Variants in NCAPH observed in about 807,000 individuals in gnomAD.
The protein encoded by NCAPH is non-SMC condensin I complex subunit H.
In NCAPH, 38 loss-of-function variants were observed where a neutral mutation model predicts 85.5. The observed-to-expected ratio is 0.44, with a 90% CI of 0.34 to 0.58. The LOEUF is 0.58. Among genes scored for constraint, NCAPH ranks in the 20% least tolerant of loss-of-function variants. The probability of loss-of-function intolerance (pLI) is 0.01; values close to 1 mark genes in which losing one functional copy is unlikely to be tolerated. For missense variants in NCAPH, 789 were observed against 916.6 expected (o/e 0.86, Z 1.80); for synonymous variants, 301 against 335.1 (o/e 0.90, Z 1.11).
chr2:96,371,694 G>A (rs1346779030), intron 17 of NCAPH, among the ~76,000 whole-genome samples: 1 of 152,206 alleles, frequency 6.6e-6, no homozygotes, highest in Non-Finnish European at 1.5e-5. Flanking sequence ...CTGGGGCCTG[G>A]CTTTGGGCTG....
chr2:96,357,361 G>T (rs1223639571), intron 9 of NCAPH, among the ~76,000 whole-genome samples: 2 of 152,228 alleles, frequency 1.3e-5, no homozygotes, highest in Non-Finnish European at 2.9e-5. Context: ...TTGGACTATA[G>T]GTGGATTCAT....
intron 14 of NCAPH, 60 bp downstream of exon 14, chr2:96,366,118 A>C: frequency 6.4e-7 from 1 of 1,551,562 alleles, no homozygotes; most frequent in Non-Finnish European, 8.8e-7. Context: ...ATTGTCTCTT[A>C]TATGAGAGTC....
chr2:96,344,230 G>A lies in NCAPH; in HGVS notation c.720+1G>A. On this transcript the variant is annotated splice_donor_variant, in intron 6 of 17. Transcript: ENST00000240423. LOFTEE classifies it high-confidence loss of function. Reference sequence around the variant, plus strand: ...CTCCGAAGCAGATCGGAAGTGTGAGGTGAGGAACTGTATGCGCAGTGTGGT... The same window carrying A: ...CTCCGAAGCAGATCGGAAGTGTGAGATGAGGAACTGTATGCGCAGTGTGGT... The A allele has an allele frequency of 6.2e-7, 1 of 1,606,418 alleles. No homozygotes were observed. Among genetic ancestry groups the A allele is most frequent in the Admixed American group, 1.7e-5 (1 of 58,066 alleles).
intron 9 of NCAPH, 92 bp from the exon 10 acceptor site, chr2:96,358,953 C>A: frequency 7.7e-7 from 1 of 1,300,096 alleles, no homozygotes; most frequent in South Asian, 1.5e-5. Context: ...ATTGGACTCA[C>A]AGAAATGCAG....
chr2:96,368,593 C>A (rs1286020132), intron 15 of NCAPH, among the ~76,000 whole-genome samples: 1 of 152,086 alleles, frequency 6.6e-6, no homozygotes, highest in Non-Finnish European at 1.5e-5. Flanking sequence ...GGAGGTGGAG[C>A]TTGCAGTGAG....
chr2:96,349,678 C>G (rs1261203509), intron 6 of NCAPH, among the ~76,000 whole-genome samples: 2 of 152,166 alleles, frequency 1.3e-5, no homozygotes, highest in Non-Finnish European at 1.5e-5. Context: ...CTCTCATTTT[C>G]TTGGAGATCA....
chr2:96,340,383 C>CTTTTTT (rs908160989), intron 1 of NCAPH, among the ~76,000 whole-genome samples: 20 of 91,256 alleles, frequency 2.2e-4, no homozygotes, highest in Middle Eastern at 9.4e-3. Context: ...TAATAAGCAT[C>CTTTTTT]TTTTTTTTTT....
Position 96,335,826 on chromosome 2 carries a change from A to G in NCAPH, c.-4A>G. 3 of 1,497,578 alleles carry G rather than the reference A, an allele frequency of 2.0e-6. No homozygotes were observed. Among genetic ancestry groups the G allele is most frequent in the Admixed American group, 2.4e-5 (1 of 41,010 alleles). The allele number at this position is 1,497,578 out of a possible 1,614,324, so 92.8% of individuals were successfully genotyped here. On this transcript the variant is annotated 5_prime_UTR_variant, in exon 1 of 18. Coordinates refer to ENST00000240423, the MANE Select transcript of NCAPH (RefSeq NM_015341.5). ...AAAACCAGCTCAGGAGACGCCAAGG[A>G]AAGATGGGACCTCCCGGCCCAGGTG... is the stretch of plus-strand genomic sequence containing the variant.
chr2:96,340,607 C>A (rs755841457), intron 1 of NCAPH, among the ~76,000 whole-genome samples: 1 of 152,014 alleles, frequency 6.6e-6, no homozygotes, highest in Non-Finnish European at 1.5e-5. Flanking sequence ...GCCAGCTGGT[C>A]TCTAACTCCT....
At position 96,342,790 on chromosome 2, in the gene NCAPH, T is replaced by G; in HGVS notation, c.398T>G (p.Leu133Trp). 6.2e-7 allele frequency: 1 copy of G among 1,612,988 alleles called. No homozygotes were observed. Among genetic ancestry groups the G allele is most frequent in the Non-Finnish European group, 8.5e-7 (1 of 1,179,494 alleles). Reference sequence around the variant, plus strand: ...ACCAAGAATGCTTTTGGTTTGCACTTGATTGATTTTATGTCAGAGATTCTT... The same window carrying G: ...ACCAAGAATGCTTTTGGTTTGCACTGGATTGATTTTATGTCAGAGATTCTT... Reference protein sequence around the residue: ...ITTKNAFGLHLIDFMSEILKQ... With the variant: ...ITTKNAFGLHWIDFMSEILKQ... The change falls in exon 4 of 18, where the codon TTG (leucine) becomes TGG (tryptophan). Residue 133 changes from leucine (L) to tryptophan (W), a missense_variant. Coordinates refer to ENST00000240423, the MANE Select transcript of NCAPH (RefSeq NM_015341.5).
rs2064503610 is a variant in NCAPH, at chr2:96,354,922, C to T, written c.1208+534C>T. ...ATTTTGGTAGCAGAGAGCATGCTCC[C>T]TTTGTACACATTGCTTATAGTGTGG... On this transcript the variant is annotated intron_variant, in intron 9 of 17. Coordinates refer to ENST00000240423, the MANE Select transcript of NCAPH (RefSeq NM_015341.5). 3.9e-5 allele frequency among the ~76,000 whole-genome samples: 6 copies of T among 152,212 alleles called. No homozygotes were observed. The South Asian group carries it at 1.0e-3, about 26-fold the overall frequency.
At chr2:96,347,182 C>T (rs1178494794) in intron 6 of NCAPH, among the ~76,000 whole-genome samples, 2 of 151,814 alleles carry the variant, frequency 1.3e-5, no homozygotes, top group Non-Finnish European at 1.5e-5. Context: ...ACTGGTTTGA[C>T]GGCTGTGAAG....
At chr2:96,352,732 A>G (rs1304968267) in intron 7 of NCAPH, among the ~76,000 whole-genome samples, 2 of 152,130 alleles carry the variant, frequency 1.3e-5, no homozygotes, top group Non-Finnish European at 2.9e-5. Flanking sequence ...TTATGTGTTG[A>G]ATGAAATTAA....
At chr2:96,346,151 G>A (rs941557553) in intron 6 of NCAPH, among the ~76,000 whole-genome samples, 1 of 152,110 alleles carries the variant, frequency 6.6e-6, no homozygotes, top group African/African-American at 2.4e-5. Flanking sequence ...GTTGGGCTCG[G>A]CTGACGGGTG....
intron 1 of NCAPH, among the ~76,000 whole-genome samples, chr2:96,336,167 C>T (rs1416090096): frequency 1.3e-5 from 2 of 152,196 alleles, no homozygotes; most frequent in Non-Finnish European, 2.9e-5. Context: ...CTCGGTGTCT[C>T]TCCATTAAAA....
At chr2:96,337,233 C>G (rs1232659377) in intron 1 of NCAPH, among the ~76,000 whole-genome samples, 3 of 152,214 alleles carry the variant, frequency 2.0e-5, no homozygotes, top group Non-Finnish European at 4.4e-5. Flanking sequence ...TTTAGTTTCT[C>G]TCTTAGACAA....
At chr2:96,362,023 C>T (rs978469198) in intron 12 of NCAPH, among the ~76,000 whole-genome samples, 9 of 151,342 alleles carry the variant, frequency 5.9e-5, no homozygotes, top group Non-Finnish European at 8.8e-5. Flanking sequence ...GGATTACAGG[C>T]GTGAGCCGTT....
intron 14 of NCAPH, among the ~76,000 whole-genome samples, chr2:96,366,618 C>A (rs1390180270): frequency 6.6e-6 from 1 of 152,192 alleles, no homozygotes; most frequent in Non-Finnish European, 1.5e-5. Context: ...GTGGCTCACG[C>A]CTGTAATCCC....
chr2:96,363,149 A>G (rs1353901413), intron 12 of NCAPH, among the ~76,000 whole-genome samples: 1 of 152,250 alleles, frequency 6.6e-6, no homozygotes, highest in Non-Finnish European at 1.5e-5. Flanking sequence ...CAGCAAAAAT[A>G]TTACAACTCA....
Sources: gnomAD v4.1 joint callset for allele counts (sites outside exome capture counted in the v4.1 genomes callset) on GRCh38, gnomAD v4.1.1 for gene constraint, MANE v1.5 for transcripts, NCBI Gene and HGNC (gene_info 2026-07-23, HGNC 2026-07-21) for gene names.